The following LMOD1 variants were observed in gnomAD, a reference collection of about 807,000 sequenced individuals.
The protein encoded by LMOD1 is leiomodin 1, also known as leiomodin-1.
LMOD1 carries 8 observed loss-of-function variants against 36.5 expected under a neutral mutation model. The ratio of observed to expected loss-of-function variants is 0.22; its 90% CI spans 0.13 to 0.40. The LOEUF is 0.40. Among genes scored for constraint, LMOD1 ranks in the 10% least tolerant of loss-of-function variants. The pLI, the probability that LMOD1 is intolerant of heterozygous loss-of-function variation, is 1.00. For synonymous variants in LMOD1, 284 were observed against 288.7 expected (o/e 0.98, Z 0.17); for missense variants, 630 against 751.1 (o/e 0.84, Z 1.88).
chr1:201,941,625 T>TCGGGCCTTCCCGGCCC (rs1364003612), intron 1 of LMOD1, among the ~76,000 whole-genome samples: 3 of 152,238 alleles, frequency 2.0e-5, no homozygotes, highest in African/African-American at 7.2e-5. Context: ...GCCGCCGGCC[T>TCGGGCCTTCCCGGCCC]CGGGCCTTCC....
In LMOD1 at chr1:201,898,290, G is replaced by T. The variant is rs1435336403; in HGVS notation, c.*82C>A. Reference sequence around the variant, plus strand: ...CATCCACAGCAGGTCAGCCAGGGATGGGGTGGGCAGGGTCTGTGTAGCCCT... The same window carrying T: ...CATCCACAGCAGGTCAGCCAGGGATTGGGTGGGCAGGGTCTGTGTAGCCCT... On this transcript the variant is annotated 3_prime_UTR_variant, in exon 3 of 3. Coordinates refer to ENST00000367288, the MANE Select transcript of LMOD1 (RefSeq NM_012134.3). 2.8e-6 allele frequency: 4 copies of T among 1,424,422 alleles called. No individual in the cohort carries two copies. The highest frequency in any genetic ancestry group is 2.9e-6 in the Non-Finnish European group (3 of 1,021,866). The allele number at this position is 1,424,422 out of a possible 1,614,324, so 88.2% of individuals were successfully genotyped here.
chr1:201,941,296 G>A (rs970541440), intron 1 of LMOD1, among the ~76,000 whole-genome samples: 1 of 152,050 alleles, frequency 6.6e-6, no homozygotes, highest in African/African-American at 2.4e-5. Flanking sequence ...AGAAGAAAAC[G>A]TATAATAACA....
chr1:201,899,106 A>T lies in LMOD1; in HGVS notation c.1776+131T>A. 2 of 767,198 alleles carry T rather than the reference A, an allele frequency of 2.6e-6. No homozygotes were observed. The highest frequency in any genetic ancestry group is 2.0e-6 in the Non-Finnish European group (1 of 492,684). 47.5% of individuals were successfully genotyped at this position (767,198 alleles called of 1,614,324 possible). On this transcript the variant is annotated intron_variant, in intron 2 of 2. Coordinates refer to ENST00000367288, the MANE Select transcript of LMOD1 (RefSeq NM_012134.3). The surrounding 1 kb of genome is among the most constrained non-coding windows in gnomAD (Gnocchi z 6.3). ...TGCATGAGATGACCTGAAGTCCCCT[A>T]TGGGCCCTGGGAGTCTATATCATCT... is the stretch of plus-strand genomic sequence containing the variant.
At chr1:201,922,560 T>C (rs1278603307) in intron 1 of LMOD1, among the ~76,000 whole-genome samples, 1 of 152,072 alleles carries the variant, frequency 6.6e-6, no homozygotes, top group Admixed American at 6.6e-5. Flanking sequence ...GGATTAGCGG[T>C]TGCCAGTGGC....
intron 1 of LMOD1, among the ~76,000 whole-genome samples, chr1:201,913,866 T>A (rs1342849101): frequency 6.6e-6 from 1 of 152,228 alleles, no homozygotes; most frequent in Non-Finnish European, 1.5e-5. Context: ...GCATTTTATG[T>A]AAATTATACA....
intron 1 of LMOD1, among the ~76,000 whole-genome samples, chr1:201,925,871 A>G (rs181922761): frequency 1.3e-5 from 2 of 151,772 alleles, no homozygotes; most frequent in East Asian, 3.9e-4. Flanking sequence ...TTCCTGGCTA[A>G]TTTTTAAATT....
At chr1:201,906,591 G>T (rs1238190094) in intron 1 of LMOD1, among the ~76,000 whole-genome samples, 1 of 151,306 alleles carries the variant, frequency 6.6e-6, no homozygotes, top group East Asian at 1.9e-4. Context: ...GGGCTGGTGT[G>T]CAGGGCAGGG....
At chr1:201,924,005 G>C (rs1232374312) in intron 1 of LMOD1, among the ~76,000 whole-genome samples, 1 of 150,844 alleles carries the variant, frequency 6.6e-6, no homozygotes, top group East Asian at 2.0e-4. Flanking sequence ...GAAAGAAAGA[G>C]AAAAGAAAGA....
chr1:201,900,670 G>A lies in LMOD1; in HGVS notation c.343C>T (p.Pro115Ser), dbSNP rs777813811. The change falls in exon 2 of 3, where the codon CCC (proline) becomes TCC (serine). Residue 115 changes from proline (P) to serine (S), a missense_variant. Pro to Ser is a moderately conservative substitution (Grantham distance 74, BLOSUM62 -1). Transcript: ENST00000367288. ...TTCCCCAGATCTGAGTCCCGTCTGG[G>A]GCCCAGGGCTTTTTTGCTGGCATCT... The part of the protein sequence containing the change: ...GRDASKKALG[P>S]RRDSDLGKEP... The A allele has an allele frequency of 1.9e-6, 3 of 1,613,516 alleles. No homozygotes were observed. In the African/African-American group the frequency reaches 4.0e-5, roughly 22 times the overall value.
intron 1 of LMOD1, among the ~76,000 whole-genome samples, chr1:201,922,376 A>G (rs370025955): frequency 1.3e-5 from 2 of 152,366 alleles, no homozygotes; most frequent in South Asian, 2.1e-4. Context: ...GCAAAATGTC[A>G]TACCTCATTA....
intron 1 of LMOD1, among the ~76,000 whole-genome samples, chr1:201,916,580 A>AAAAT (rs397782144): frequency 2.0e-5 from 3 of 151,974 alleles, no homozygotes; most frequent in East Asian, 1.9e-4. Context: ...AAGAAACAAA[A>AAAAT]TTGTCTTTAA....
chr1:201,904,008 C>G (rs920239952), intron 1 of LMOD1, among the ~76,000 whole-genome samples: 1 of 152,188 alleles, frequency 6.6e-6, no homozygotes, highest in Non-Finnish European at 1.5e-5. Context: ...CATCTCTAAC[C>G]TTCCCCATCA....
chr1:201,944,718 C>G (rs975158976), intron 1 of LMOD1, among the ~76,000 whole-genome samples: 1 of 94,982 alleles, frequency 1.1e-5, no homozygotes, highest in Non-Finnish European at 2.2e-5. Context: ...AAGGCTTAAA[C>G]ATAGGTGGTG....
chr1:201,903,043 G>A (rs1439489577), intron 1 of LMOD1, among the ~76,000 whole-genome samples: 1 of 152,224 alleles, frequency 6.6e-6, no homozygotes, highest in Non-Finnish European at 1.5e-5. Context: ...TTTCTTTCAA[G>A]AGTGCCAGGT....
intron 1 of LMOD1, among the ~76,000 whole-genome samples, chr1:201,919,091 T>C (rs761005188): frequency 9.9e-5 from 15 of 152,056 alleles, no homozygotes; most frequent in Non-Finnish European, 1.8e-4. Context: ...GGTCTTGCTA[T>C]GTTGCTCAGG....
At chr1:201,906,276 T>C (rs1241921575) in intron 1 of LMOD1, among the ~76,000 whole-genome samples, 2 of 152,176 alleles carry the variant, frequency 1.3e-5, no homozygotes, top group Admixed American at 6.5e-5. Flanking sequence ...CAGGGAAATA[T>C]GTGACATCTC....
intron 1 of LMOD1, among the ~76,000 whole-genome samples, chr1:201,906,568 C>T (rs1681416775): frequency 6.6e-6 from 1 of 152,218 alleles, no homozygotes; most frequent in South Asian, 2.1e-4. Flanking sequence ...CCTGGGACAG[C>T]AGATGCCTTA....
At chr1:201,914,710 C>T (rs1681570948) in intron 1 of LMOD1, among the ~76,000 whole-genome samples, 1 of 151,946 alleles carries the variant, frequency 6.6e-6, no homozygotes, top group African/African-American at 2.4e-5. Context: ...CACCTCCAGG[C>T]TCATCTTTCA....
chr1:201,923,986 AAAAG>A (rs1327722602), intron 1 of LMOD1, among the ~76,000 whole-genome samples: 2 of 151,390 alleles, frequency 1.3e-5, no homozygotes, highest in South Asian at 2.1e-4. Flanking sequence ...AAAAGAAAGA[AAAAG>A]AAAAGAAAGA....
Sources: allele counts gnomAD v4.1 joint callset (sites outside exome capture counted in the v4.1 genomes callset), GRCh38; gene constraint gnomAD v4.1.1; non-coding constraint Gnocchi (gnomAD v3.1); transcripts MANE v1.5; gene names NCBI Gene and HGNC (gene_info 2026-07-23, HGNC 2026-07-21).